The following TOMM70 variants were observed in gnomAD, a reference collection of about 807,000 sequenced individuals.
The protein encoded by TOMM70 is mitochondrial import receptor subunit TOM70.
A neutral mutation model predicts 73.6 loss-of-function variants in TOMM70; 13 were observed. That is an observed-to-expected ratio of 0.18 (90% CI 0.11 to 0.28). The LOEUF (loss-of-function observed/expected upper bound fraction) is 0.28. Among genes scored for constraint, TOMM70 ranks in the 10% least tolerant of loss-of-function variants. TOMM70 has a pLI of 1.00. For synonymous variants in TOMM70, 257 were observed against 271.2 expected (o/e 0.95, Z 0.51); for missense variants, 609 against 747.5 (o/e 0.81, Z 2.16).
At chr3:100,391,299 C>A (rs1706758773) in intron 1 of TOMM70, among the ~76,000 whole-genome samples, 1 of 151,906 alleles carries the variant, frequency 6.6e-6, no homozygotes, top group East Asian at 1.9e-4. Context: ...TATAAAATAG[C>A]CTCAAGGCAG....
intron 6 of TOMM70, among the ~76,000 whole-genome samples, chr3:100,376,761 C>A (rs552237422): frequency 6.6e-6 from 1 of 152,200 alleles, no homozygotes; most frequent in East Asian, 1.9e-4. Context: ...ATATGGTAGG[C>A]ATCATTACTA....
chr3:100,369,641 C>T (rs1411672678), intron 9 of TOMM70, among the ~76,000 whole-genome samples: 2 of 152,038 alleles, frequency 1.3e-5, no homozygotes, highest in Non-Finnish European at 2.9e-5. Flanking sequence ...GCTGGGACTA[C>T]AGGCGCCCAA....
chr3:100,383,292 A>G (rs1706655182), intron 4 of TOMM70, among the ~76,000 whole-genome samples: 1 of 151,950 alleles, frequency 6.6e-6, no homozygotes, highest in Admixed American at 6.6e-5. Flanking sequence ...GAGGCTGAGG[A>G]AGTTGGACGG....
rs1274117154 is a variant in TOMM70 at position 100,363,534 on chromosome 3, C to T, written c.*2030G>A. 2.0e-5 allele frequency: 3 copies of T among 152,564 alleles called. No individual in the cohort carries two copies. The highest frequency in any genetic ancestry group is 1.3e-4 in the Admixed American group (2 of 15,262). 9.5% of individuals were successfully genotyped at this position (152,564 alleles called of 1,614,324 possible). ...AAAAGAAAGATACAGACAGATGCAGCTTTCAGTGCAGTTTCAAACATTTTC... is the reference window on the plus strand; with the variant it reads ...AAAAGAAAGATACAGACAGATGCAGTTTTCAGTGCAGTTTCAAACATTTTC... On this transcript the variant is annotated 3_prime_UTR_variant, in exon 12 of 12. Coordinates refer to ENST00000284320, the MANE Select transcript of TOMM70 (RefSeq NM_014820.5).
chr3:100,396,073 G>A (rs1706823052), intron 1 of TOMM70, among the ~76,000 whole-genome samples: 1 of 148,332 alleles, frequency 6.7e-6, no homozygotes, highest in African/African-American at 2.5e-5. Flanking sequence ...AGCAGGAAAA[G>A]TTATGACATT....
chr3:100,390,665 A>T (rs1706749182), intron 1 of TOMM70, among the ~76,000 whole-genome samples: 1 of 152,144 alleles, frequency 6.6e-6, no homozygotes, highest in Non-Finnish European at 1.5e-5. Flanking sequence ...CATGTCCACT[A>T]AAAATACAAA....
Position 100,372,623 on chromosome 3 carries a change from A to T in TOMM70, c.1435T>A (p.Tyr479Asn). Residue 479 changes from tyrosine to asparagine, a missense_variant, in exon 9 of 12, where the codon TAT becomes AAT. Physicochemically the swap from Tyr to Asn is moderately radical, Grantham distance 143. This residue lies in a region of TOMM70 where 432 missense variants were observed against 584.1 expected (regional missense o/e 0.74). Transcript: ENST00000284320. Reference protein sequence around the residue: ...IKKFPRCAEGYALYAQALTDQ... With the variant: ...IKKFPRCAEGNALYAQALTDQ... ...ACATTTACCTGGGCGTATAGTGCAT[A>T]GCCTTCGGCACACCTTGGAAATTTC... 6.2e-7 allele frequency: 1 copy of T among 1,613,762 alleles called. No individual in the cohort carries two copies. The highest frequency in any genetic ancestry group is 8.5e-7 in the Non-Finnish European group (1 of 1,179,806).
intron 1 of TOMM70, among the ~76,000 whole-genome samples, chr3:100,393,125 G>A (rs377423580): frequency 9.3e-5 from 14 of 150,676 alleles, no homozygotes; most frequent in African/African-American, 1.5e-4. Flanking sequence ...GCAGTAAGCC[G>A]AGATTGTGCC....
intron 6 of TOMM70, among the ~76,000 whole-genome samples, chr3:100,375,649 G>T (rs1237897824): frequency 1.3e-5 from 2 of 152,098 alleles, no homozygotes; most frequent in African/African-American, 4.8e-5. Flanking sequence ...ATCAACTGAT[G>T]GACATTTGAG....
intron 1 of TOMM70, among the ~76,000 whole-genome samples, chr3:100,399,668 T>G (rs1360159246): frequency 6.6e-6 from 1 of 152,148 alleles, no homozygotes; most frequent in Non-Finnish European, 1.5e-5. Flanking sequence ...TCATGTACAT[T>G]TCCAGGTGAA....
chr3:100,373,746 T>C (rs1706535179), intron 7 of TOMM70, 101 bp from the exon 8 acceptor site: 4 of 649,810 alleles, frequency 6.2e-6, no homozygotes, highest in Non-Finnish European at 7.6e-6. Context: ...GCTGAGCATG[T>C]AGTAGTAATT....
intron 1 of TOMM70, among the ~76,000 whole-genome samples, chr3:100,392,863 A>C (rs1237871689): frequency 6.6e-6 from 1 of 152,184 alleles, no homozygotes; most frequent in African/African-American, 2.4e-5. Context: ...TGTTTATTGC[A>C]GCACAATTCA....
intron 1 of TOMM70, among the ~76,000 whole-genome samples, chr3:100,395,994 A>G (rs1706821522): frequency 6.6e-6 from 1 of 150,576 alleles, no homozygotes; most frequent in Middle Eastern, 3.2e-3. Context: ...GAGACTAAGA[A>G]TCCATGAGGC....
intron 1 of TOMM70, among the ~76,000 whole-genome samples, chr3:100,396,626 T>C (rs1031388430): frequency 3.9e-5 from 6 of 152,312 alleles, no homozygotes; most frequent in Admixed American, 2.6e-4. Context: ...ATGGATAATA[T>C]GATCTTCTAA....
intron 9 of TOMM70, among the ~76,000 whole-genome samples, chr3:100,370,361 C>CA (rs1706495953): frequency 6.6e-6 from 1 of 152,144 alleles, no homozygotes; most frequent in African/African-American, 2.4e-5. Context: ...TTAATGGCTG[C>CA]ATAATATACC....
Position 100,377,688 on chromosome 3 carries a change from C to A in TOMM70, c.1092+17G>T, listed in dbSNP as rs757218917. 6.3e-5 allele frequency: 101 copies of A among 1,593,664 alleles called. No individual in the cohort carries two copies. Among genetic ancestry groups the A allele is most frequent in the Non-Finnish European group, 8.3e-5 (97 of 1,164,342 alleles). On this transcript the variant is annotated intron_variant, in intron 6 of 11. Coordinates refer to ENST00000284320, the MANE Select transcript of TOMM70 (RefSeq NM_014820.5). ...CCTTCTATTTAATAATTTCTTCACA[C>A]ACATTTTTTAATGTACCTTCACATT...
At position 100,368,389 on chromosome 3, in the gene TOMM70, T is replaced by G. The variant is rs145481573; in HGVS notation, c.1551-223A>C. ...AAAGTGTTCAATGGTCTAGGCTCTA[T>G]TACCAATCTTGCATCCCTTATTTTT... is the stretch of plus-strand genomic sequence containing the variant. On this transcript the variant is annotated intron_variant, in intron 10 of 11. Transcript: ENST00000284320. Among the ~76,000 whole-genome samples the G allele has an allele frequency of 2.0e-3, 309 of 152,330 alleles. 4 individuals are homozygous for G. The highest frequency in any genetic ancestry group is 7.1e-3 in the African/African-American group (296 of 41,580).
chr3:100,373,119 A>C (rs1253618435), intron 8 of TOMM70, among the ~76,000 whole-genome samples: 2 of 148,914 alleles, frequency 1.3e-5, no homozygotes, highest in African/African-American at 5.0e-5. Flanking sequence ...GAAGTATCTT[A>C]TTTTACTAGA....
At chr3:100,375,925 G>A (rs1046344356) in intron 6 of TOMM70, among the ~76,000 whole-genome samples, 1 of 152,088 alleles carries the variant, frequency 6.6e-6, no homozygotes, top group Admixed American at 6.6e-5. Context: ...GTAAGTTTCT[G>A]AGGAATTGCC....
Sources: gnomAD v4.1 joint callset for allele counts (sites outside exome capture counted in the v4.1 genomes callset) on GRCh38, gnomAD v4.1.1 for gene constraint, gnomAD v4.1.1 regional missense constraint, MANE v1.5 for transcripts, NCBI Gene and HGNC (gene_info 2026-07-23, HGNC 2026-07-21) for gene names.